The following RSU1 variants were observed in gnomAD, a reference collection of about 807,000 sequenced individuals.
RSU1 encodes rsu-1.
In RSU1, 26 loss-of-function variants were observed where a neutral mutation model predicts 31.1. The observed-to-expected ratio is 0.84, with a 90% CI of 0.61 to 1.16. The LOEUF (loss-of-function observed/expected upper bound fraction) is 1.16. Ranked by LOEUF, RSU1 falls within the 50% of genes most tolerant of loss-of-function variation. RSU1 has a pLI of 0.00. For synonymous variants in RSU1, 164 were observed against 136.3 expected, an observed-to-expected ratio of 1.20 and a Z score of -1.41; for missense variants, 320 against 339.1, an observed-to-expected ratio of 0.94 and a Z score of 0.44.
chr10:16,728,256 G>C (rs992779041), intron 7 of RSU1, among the ~76,000 whole-genome samples: 8 of 152,094 alleles, frequency 5.3e-5, no homozygotes, highest in Admixed American at 2.0e-4. Flanking sequence ...CGTCATAAAA[G>C]ACTCATATTT....
intron 7 of RSU1, among the ~76,000 whole-genome samples, chr10:16,749,564 C>A (rs532010887): frequency 2.0e-4 from 31 of 152,184 alleles, no homozygotes; most frequent in Non-Finnish European, 3.4e-4. Context: ...GTGCCCAGCA[C>A]TGCCCATCAG....
intron 8 of RSU1, among the ~76,000 whole-genome samples, chr10:16,641,444 A>C (rs1834440195): frequency 6.6e-6 from 1 of 151,350 alleles, no homozygotes; most frequent in South Asian, 2.1e-4. Flanking sequence ...GTAAGCCGAG[A>C]CTGTGCCACT....
chr10:16,642,325 G>A lies in RSU1; in HGVS notation c.732-48829C>T, dbSNP rs116225759. Among the ~76,000 whole-genome samples the A allele has an allele frequency of 1.5e-3, 225 of 152,248 alleles. 1 individual carries two copies. The highest frequency in any genetic ancestry group is 5.2e-3 in the African/African-American group (214 of 41,552). ...TCCAGAGAAGCTGTAGAAAAACAACGTGCTGCTCTGCGGAGACCCACAGAG... is the reference window on the plus strand; with the variant it reads ...TCCAGAGAAGCTGTAGAAAAACAACATGCTGCTCTGCGGAGACCCACAGAG... On this transcript the variant is annotated intron_variant, in intron 8 of 8. Coordinates refer to ENST00000345264, the MANE Select transcript of RSU1 (RefSeq NM_012425.4).
chr10:16,651,037 TTAGA>T (rs879289496), intron 8 of RSU1, among the ~76,000 whole-genome samples: 4 of 152,242 alleles, frequency 2.6e-5, no homozygotes, highest in Non-Finnish European at 1.5e-5. Context: ...ATCATCTTTA[TTAGA>T]TAAATTAATT....
In RSU1 at chr10:16,817,043, C is replaced by T; in HGVS notation, c.39G>A (p.Arg13=). The change falls in exon 2 of 9, where the codon CGG becomes CGA. Residue 13 remains arginine, a synonymous_variant. Coordinates refer to ENST00000345264, the MANE Select transcript of RSU1 (RefSeq NM_012425.4). ...KSLKKLVEES[R]EKNQPEVDMS... is the part of the protein sequence containing the mutation. Reference sequence around the variant, plus strand: ...TGTCCACCTCGGGCTGGTTCTTCTCCCGGCTCTCCTCCACCAACTTCTTCA... The same window carrying T: ...TGTCCACCTCGGGCTGGTTCTTCTCTCGGCTCTCCTCCACCAACTTCTTCA... 6.2e-7 allele frequency: 1 copy of T among 1,614,226 alleles called. No homozygotes were observed. Among genetic ancestry groups the T allele is most frequent in the African/African-American group, 1.3e-5 (1 of 75,064 alleles).
chr10:16,744,939 G>T (rs1484839822), intron 7 of RSU1, among the ~76,000 whole-genome samples: 1 of 152,078 alleles, frequency 6.6e-6, no homozygotes, highest in African/African-American at 2.4e-5. Flanking sequence ...TTTCACACAG[G>T]AGGATAATTC....
chr10:16,718,679 G>A (rs931164578), intron 7 of RSU1, among the ~76,000 whole-genome samples: 2 of 152,030 alleles, frequency 1.3e-5, no homozygotes, highest in Non-Finnish European at 1.5e-5. Flanking sequence ...GTAAAATAAA[G>A]TAACAACAAA....
intron 8 of RSU1, among the ~76,000 whole-genome samples, chr10:16,667,442 G>A (rs554654537): frequency 1.3e-5 from 2 of 151,922 alleles, no homozygotes; most frequent in East Asian, 1.9e-4. Flanking sequence ...TAGTACTAGG[G>A]TACAATTAAA....
chr10:16,764,478 A>C lies in RSU1; in HGVS notation c.193T>G (p.Leu65Val). 6.2e-7 allele frequency: 1 copy of C among 1,614,012 alleles called. No homozygotes were observed. The highest frequency in any genetic ancestry group is 2.2e-5 in the East Asian group (1 of 44,878). Residue 65 changes from leucine to valine, a missense_variant, in exon 4 of 9, where the codon TTG becomes GTG. By Grantham distance (32) the Leu-to-Val change is conservative. Transcript: ENST00000345264. ...TTATTAAAAAAGTTGAGCACCTCCA[A>C]ATTCTTCAGTTCTGCGATGTTCGGT... ...VPPNIAELKN[L>V]EVLNFFNNQI... is the part of the protein sequence containing the mutation.
rs559528186 is a variant in RSU1, at chr10:16,607,238, T to G, written c.732-13742A>C. 1.6e-3 allele frequency among the ~76,000 whole-genome samples: 243 copies of G among 152,266 alleles called. 1 individual carries two copies. Among genetic ancestry groups the G allele is most frequent in the African/African-American group, 5.6e-3 (232 of 41,546 alleles). On this transcript the variant is annotated intron_variant, in intron 8 of 8. Coordinates refer to ENST00000345264, the MANE Select transcript of RSU1 (RefSeq NM_012425.4). ...CTTTGCCTTCCACCATGATTCTAAGTTTCCTGAGACCTCCCCAGAAGCATA... is the reference window on the plus strand; with the variant it reads ...CTTTGCCTTCCACCATGATTCTAAGGTTCCTGAGACCTCCCCAGAAGCATA...
At chr10:16,661,325 TG>T (rs1834886865) in intron 8 of RSU1, among the ~76,000 whole-genome samples, 1 of 149,888 alleles carries the variant, frequency 6.7e-6, no homozygotes, top group Non-Finnish European at 1.5e-5. Context: ...TGTGTGTGTG[TG>T]TGTAAGTATT....
chr10:16,618,423 C>A (rs1834015612), intron 8 of RSU1, among the ~76,000 whole-genome samples: 1 of 152,184 alleles, frequency 6.6e-6, no homozygotes, highest in Non-Finnish European at 1.5e-5. Flanking sequence ...TGTGGCGATT[C>A]CTCAAGGATC....
At chr10:16,798,552 G>A (rs189339327) in intron 2 of RSU1, among the ~76,000 whole-genome samples, 5 of 152,198 alleles carry the variant, frequency 3.3e-5, no homozygotes, top group Admixed American at 6.5e-5. Context: ...TTGTGAAAAA[G>A]GCACCTTGCT....
chr10:16,689,721 T>C (rs560808013), intron 8 of RSU1, among the ~76,000 whole-genome samples: 3 of 152,290 alleles, frequency 2.0e-5, no homozygotes, highest in East Asian at 1.9e-4. Flanking sequence ...TTAACTAATA[T>C]GAATAATAGT....
chr10:16,703,223 T>C (rs1033433072), intron 7 of RSU1, among the ~76,000 whole-genome samples: 1 of 152,184 alleles, frequency 6.6e-6, no homozygotes, highest in Non-Finnish European at 1.5e-5. Flanking sequence ...TAAACCTCTG[T>C]TCTTTATAAA....
intron 8 of RSU1, among the ~76,000 whole-genome samples, chr10:16,627,303 T>C (rs1014891929): frequency 1.3e-5 from 2 of 152,240 alleles, no homozygotes; most frequent in African/African-American, 4.8e-5. Flanking sequence ...CATTATGTTA[T>C]AGTTGGGGAA....
Position 16,803,960 on chromosome 10 carries a change from C to T in RSU1, c.109+13013G>A, listed in dbSNP as rs928305721. Among the ~76,000 whole-genome samples, 11 of 152,078 alleles carry T rather than the reference C, an allele frequency of 7.2e-5. No homozygotes were observed. The South Asian group carries it at 1.5e-3, about 20-fold the overall frequency. On this transcript the variant is annotated intron_variant, in intron 2 of 8. Transcript: ENST00000345264. ...GATACAATACCAAAGGCACAACTTA[C>T]GAAGGAAAAACTTGATAAGACTTCA...
In RSU1 at chr10:16,764,877, T is replaced by A. The variant is rs576813976; in HGVS notation, c.161-367A>T. 2.5e-4 allele frequency among the ~76,000 whole-genome samples: 38 copies of A among 151,638 alleles called. No homozygotes were observed. The East Asian group carries it at 6.7e-3, about 27-fold the overall frequency. On this transcript the variant is annotated intron_variant, in intron 3 of 8. Coordinates refer to ENST00000345264, the MANE Select transcript of RSU1 (RefSeq NM_012425.4). ...TGGTTGTCATATACGATCTTCTAAG[T>A]GCAACTTTTTTTTTCCTTTTGGTTT...
intron 8 of RSU1, among the ~76,000 whole-genome samples, chr10:16,672,148 A>AT (rs1447418597): frequency 2.7e-5 from 4 of 150,634 alleles, no homozygotes; most frequent in Non-Finnish European, 5.9e-5. Context: ...AATACAAAAA[A>AT]AAAAAAAAAA....
Sources: gnomAD v4.1 joint callset for allele counts (sites outside exome capture counted in the v4.1 genomes callset) on GRCh38, gnomAD v4.1.1 for gene constraint, MANE v1.5 for transcripts, NCBI Gene and HGNC (gene_info 2026-07-23, HGNC 2026-07-21) for gene names.